Variants in SPDYE4 observed in about 807,000 individuals in gnomAD.
SPDYE4 encodes the protein speedy protein E4.
Under a neutral mutation model 37.5 loss-of-function variants are expected in SPDYE4, and 30 were observed. That is an observed-to-expected ratio of 0.80 (90% CI 0.60 to 1.09). SPDYE4 has a LOEUF of 1.09. Among genes scored for constraint, SPDYE4 ranks in the 50% least tolerant of loss-of-function variants. The pLI, the probability that SPDYE4 is intolerant of heterozygous loss-of-function variation, is 0.00. For missense variants in SPDYE4, 300 were observed against 307.9 expected (o/e 0.97, Z 0.19); for synonymous variants, 131 against 120.3 (o/e 1.09, Z -0.58).
downstream of SPDYE4, among the ~76,000 whole-genome samples, chr17:8,748,198 A>G (rs1174344942): frequency 6.6e-6 from 1 of 152,254 alleles, no homozygotes; most frequent in African/African-American, 2.4e-5. Flanking sequence ...ATATAATTGT[A>G]CTTGGATATA....
Position 8,758,263 on chromosome 17 carries a change from A to G in SPDYE4, c.109+11T>C. 6.5e-7 allele frequency: 1 copy of G among 1,526,746 alleles called. No individual in the cohort carries two copies. The highest frequency in any genetic ancestry group is 1.3e-5 in the South Asian group (1 of 79,984). 94.6% of individuals were successfully genotyped at this position (1,526,746 alleles called of 1,614,324 possible). The stretch of plus-strand genomic sequence containing the variant: ...ATCATCTCCCATCGCTTCTCCCTCC[A>G]GTCACCTCACCTGATGGTCCTGGCA... On this transcript the variant is annotated intron_variant, in intron 1 of 6. Coordinates refer to ENST00000689094, the MANE Select transcript of SPDYE4 (RefSeq NM_001394956.1).
At chr17:8,749,185 C>T (rs1199688004), downstream of SPDYE4, among the ~76,000 whole-genome samples, 1 of 151,826 alleles carries the variant, frequency 6.6e-6, no homozygotes, top group Non-Finnish European at 1.5e-5. Context: ...CTCGACCTCC[C>T]AGGCCCAAGC....
rs766534956 is a variant in SPDYE4 at position 8,757,428 on chromosome 17, T to C, written c.174A>G (p.Ser58=). The part of the protein sequence containing the change: ...SLGLKRKSEW[S]DESEEELEEE... ...CCTCCAGCTCCTCCTCGGATTCGTC[T>C]GACCATTCGCTCTTCCTTTTCAGGC... is the stretch of plus-strand genomic sequence containing the variant. The change falls in exon 2 of 7, where the codon TCA becomes TCG. Residue 58 remains serine (S), a synonymous_variant. Transcript: ENST00000689094. 2 of 1,596,664 alleles carry C rather than the reference T, an allele frequency of 1.3e-6. No homozygotes were observed. Among genetic ancestry groups the C allele is most frequent in the South Asian group, 1.1e-5 (1 of 88,678 alleles).
intron 1 of SPDYE4, 90 bp downstream of exon 1, chr17:8,758,184 C>T: frequency 8.9e-7 from 1 of 1,123,180 alleles, no homozygotes; most frequent in Non-Finnish European, 1.3e-6. Context: ...CCCACACACC[C>T]TACTCAGGTG....
chr17:8,755,492 G>A, intron 4 of SPDYE4, 28 bp downstream of exon 4: 1 of 1,606,546 alleles, frequency 6.2e-7, no homozygotes, highest in Non-Finnish European at 8.5e-7. Flanking sequence ...GTTGGATATT[G>A]ACAGATGGGA....
chr17:8,748,282 C>G (rs1262708549), downstream of SPDYE4, among the ~76,000 whole-genome samples: 1 of 152,252 alleles, frequency 6.6e-6, no homozygotes, highest in East Asian at 1.9e-4. Context: ...ACAAAAGAGA[C>G]AGCTTGCTTT....
In SPDYE4 at chr17:8,757,454, C is replaced by T; in HGVS notation, c.148G>A (p.Gly50Ser). 6 of 1,605,068 alleles carry T rather than the reference C, an allele frequency of 3.7e-6. No individual in the cohort carries two copies. Among genetic ancestry groups the T allele is most frequent in the Non-Finnish European group, 5.1e-6 (6 of 1,175,584 alleles). Reference sequence around the variant, plus strand: ...GACCATTCGCTCTTCCTTTTCAGGCCAAGGGATTGAGGCTGGGGGCTGGGA... The same window carrying T: ...GACCATTCGCTCTTCCTTTTCAGGCTAAGGGATTGAGGCTGGGGGCTGGGA... ...IDPSPQPQSL[G>S]LKRKSEWSDE... is the part of the protein sequence containing the mutation. Residue 50 changes from glycine (G) to serine (S), a missense_variant, in exon 2 of 7, where the codon GGC (glycine) becomes AGC (serine). By Grantham distance (56) the Gly-to-Ser change is moderately conservative. Transcript: ENST00000689094.
chr17:8,754,701 G>A (rs1289991414), intron 4 of SPDYE4, among the ~76,000 whole-genome samples: 2 of 152,222 alleles, frequency 1.3e-5, no homozygotes, highest in African/African-American at 4.8e-5. Flanking sequence ...ATCCTAGGAT[G>A]TCACTAAAGT....
downstream of SPDYE4, among the ~76,000 whole-genome samples, chr17:8,750,499 G>T (rs897837928): frequency 1.3e-5 from 2 of 152,144 alleles, no homozygotes; most frequent in African/African-American, 4.8e-5. Context: ...TCACGAGGTC[G>T]GGAGATCAAG....
chr17:8,758,017 G>A (rs1262777454), intron 1 of SPDYE4, among the ~76,000 whole-genome samples: 7 of 152,006 alleles, frequency 4.6e-5, no homozygotes, highest in African/African-American at 1.2e-4. Context: ...TTCTGACCTC[G>A]TGATCCGTCC....
In SPDYE4 at chr17:8,753,132, G is replaced by C. The variant is rs986939928; in HGVS notation, c.*6C>G. ...GATGACCTCAGGCCTCCATGTCCCC[G>C]GAGCTCTAGGAAATGAGGGTGCGAT... is the stretch of plus-strand genomic sequence containing the variant. On this transcript the variant is annotated 3_prime_UTR_variant, in exon 6 of 7. Transcript: ENST00000689094. 1 of 1,613,958 alleles carries C rather than the reference G, an allele frequency of 6.2e-7. No individual in the cohort carries two copies. Among genetic ancestry groups the C allele is most frequent in the East Asian group, 2.2e-5 (1 of 44,842 alleles).
Position 8,753,308 on chromosome 17 carries a change from T to C in SPDYE4, c.654+13A>G, listed in dbSNP as rs757975494. On this transcript the variant is annotated intron_variant, in intron 5 of 6. Coordinates refer to ENST00000689094, the MANE Select transcript of SPDYE4 (RefSeq NM_001394956.1). ...CCCTCCCCACCCCCACCTCCTCATA[T>C]GGCCCCACCTACCTCCTCCATCTCC... The C allele has an allele frequency of 1.2e-5, 7 of 571,466 alleles. No homozygotes were observed. The highest frequency in any genetic ancestry group is 1.1e-4 in the South Asian group (7 of 65,310). 35.4% of individuals were successfully genotyped at this position (571,466 alleles called of 1,614,324 possible).
At position 8,753,138 on chromosome 17, in the gene SPDYE4, C is replaced by G. The variant is rs2086740737; in HGVS notation, c.714G>C (p.Ter238TyrextTer8). Residue 238 changes from the stop codon to tyrosine, a stop_lost, in exon 6 of 7, where the codon TAG becomes TAC. Coordinates refer to ENST00000689094, the MANE Select transcript of SPDYE4 (RefSeq NM_001394956.1). Reference protein sequence around the residue: ...VWARDRTLIS* With the variant: ...VWARDRTLISY ...CTCAGGCCTCCATGTCCCCGGAGCT[C>G]TAGGAAATGAGGGTGCGATCTCGGG... 1 of 1,613,956 alleles carries G rather than the reference C, an allele frequency of 6.2e-7. No individual in the cohort carries two copies. Among genetic ancestry groups the G allele is most frequent in the African/African-American group, 1.3e-5 (1 of 74,904 alleles).
chr17:8,756,288 G>T, intron 3 of SPDYE4, 90 bp downstream of exon 3: 3 of 1,214,028 alleles, frequency 2.5e-6, no homozygotes, highest in Non-Finnish European at 3.6e-6. Flanking sequence ...GGTAGAGGGA[G>T]AGAGGAGAGA....
At chr17:8,749,971 C>A (rs73973205), downstream of SPDYE4, among the ~76,000 whole-genome samples, 1 of 152,202 alleles carries the variant, frequency 6.6e-6, no homozygotes, top group African/African-American at 2.4e-5. Context: ...AACATCAACA[C>A]TTTGCAACCT....
At position 8,755,507 on chromosome 17, in the gene SPDYE4, G is replaced by A; in HGVS notation, c.485+13C>T. 1 of 1,610,670 alleles carries A rather than the reference G, an allele frequency of 6.2e-7. No homozygotes were observed. The highest frequency in any genetic ancestry group is 8.5e-7 in the Non-Finnish European group (1 of 1,178,902). ...GTTGGATATTGACAGATGGGAAGAAGCAAACTACTCACAGAGCCAGGAAGA... is the reference window on the plus strand; with the variant it reads ...GTTGGATATTGACAGATGGGAAGAAACAAACTACTCACAGAGCCAGGAAGA... On this transcript the variant is annotated intron_variant, in intron 4 of 6. Coordinates refer to ENST00000689094, the MANE Select transcript of SPDYE4 (RefSeq NM_001394956.1).
intron 2 of SPDYE4, 76 bp downstream of exon 2, chr17:8,757,186 G>A (rs1331359537): frequency 7.2e-7 from 1 of 1,384,408 alleles, no homozygotes; most frequent in East Asian, 2.5e-5. Flanking sequence ...CTTCTTATTG[G>A]GAAAGTGTGA....
In SPDYE4 at chr17:8,757,478, G is replaced by T. The variant is rs746919784; in HGVS notation, c.124C>A (p.Pro42Thr). 20 of 1,608,850 alleles carry T rather than the reference G, an allele frequency of 1.2e-5. No homozygotes were observed. In the East Asian group the frequency reaches 4.5e-4, roughly 36 times the overall value. The change falls in exon 2 of 7, where the codon CCC becomes ACC. Residue 42 changes from proline to threonine, a missense_variant. Pro to Thr is a conservative substitution (Grantham distance 38, BLOSUM62 -1). Coordinates refer to ENST00000689094, the MANE Select transcript of SPDYE4 (RefSeq NM_001394956.1). ...VPGPSAPWID[P>T]SPQPQSLGLK... Reference sequence around the variant, plus strand: ...CCAAGGGATTGAGGCTGGGGGCTGGGATCTATCCAAGGGGCTGAGTGAAGA... The same window carrying T: ...CCAAGGGATTGAGGCTGGGGGCTGGTATCTATCCAAGGGGCTGAGTGAAGA...
chr17:8,756,319 C>CA (rs2086771866), intron 3 of SPDYE4, 59 bp downstream of exon 3: 5 of 1,542,088 alleles, frequency 3.2e-6, no homozygotes, highest in Non-Finnish European at 4.5e-6. Flanking sequence ...TTAGACGCTG[C>CA]ACCCTTCCCC....
Sources: gnomAD v4.1 joint callset for allele counts (sites outside exome capture counted in the v4.1 genomes callset) on GRCh38, gnomAD v4.1.1 for gene constraint, MANE v1.5 for transcripts, NCBI Gene and HGNC (gene_info 2026-07-23, HGNC 2026-07-21) for gene names.